The following FBXL17 variants were observed in gnomAD, a reference collection of about 807,000 sequenced individuals.
FBXL17 encodes the protein F-box/LRR-repeat protein 17.
A neutral mutation model predicts 66.2 loss-of-function variants in FBXL17; 22 were observed. The observed-to-expected ratio is 0.33, with a 90% CI of 0.24 to 0.47. FBXL17 has a LOEUF of 0.47. Ranked by LOEUF, FBXL17 falls within the 20% of genes least tolerant of loss-of-function variation. The pLI, the probability that FBXL17 is intolerant of heterozygous loss-of-function variation, is 1.00. For synonymous variants in FBXL17, 474 were observed against 400.5 expected (o/e 1.18, Z -2.19); for missense variants, 878 against 948.2 (o/e 0.93, Z 0.97).
At chr5:108,249,383 A>G (rs1756248146) in intron 4 of FBXL17, among the ~76,000 whole-genome samples, 1 of 152,178 alleles carries the variant, frequency 6.6e-6, no homozygotes, top group African/African-American at 2.4e-5. Flanking sequence ...GAGGAACAAA[A>G]TATTAAAAGT....
At chr5:108,295,640 AAC>A (rs1228699607) in intron 4 of FBXL17, among the ~76,000 whole-genome samples, 4 of 151,976 alleles carry the variant, frequency 2.6e-5, no homozygotes, top group Admixed American at 6.6e-5. Flanking sequence ...CACAACTATC[AAC>A]ACACACACAC....
chr5:108,262,137 C>T (rs1158758620), intron 4 of FBXL17, among the ~76,000 whole-genome samples: 1 of 148,148 alleles, frequency 6.8e-6, no homozygotes, highest in South Asian at 2.1e-4. Flanking sequence ...AGTGCAGTGG[C>T]ACGGTCTTGG....
At chr5:107,981,738 G>A (rs1428556509) in intron 7 of FBXL17, among the ~76,000 whole-genome samples, 1 of 152,154 alleles carries the variant, frequency 6.6e-6, no homozygotes, top group Non-Finnish European at 1.5e-5. Flanking sequence ...CATTCTCCTT[G>A]ATATTCTTGC....
intron 4 of FBXL17, among the ~76,000 whole-genome samples, chr5:108,344,828 TG>T (rs1287584958): frequency 6.6e-6 from 1 of 152,230 alleles, no homozygotes; most frequent in African/African-American, 2.4e-5. Flanking sequence ...CTTTGTGGCA[TG>T]CACTATACAA....
chr5:108,195,725 G>A (rs1233161445), intron 5 of FBXL17, among the ~76,000 whole-genome samples: 2 of 152,146 alleles, frequency 1.3e-5, no homozygotes, highest in African/African-American at 2.4e-5. Flanking sequence ...TCAGTGACTT[G>A]GACCACTGTG....
intron 6 of FBXL17, among the ~76,000 whole-genome samples, chr5:108,068,697 T>G (rs1483982015): frequency 6.6e-6 from 1 of 152,096 alleles, no homozygotes; most frequent in Middle Eastern, 3.2e-3. Context: ...GACCTCGTGA[T>G]CCACCCGCCT....
At chr5:108,005,104 T>G (rs1022354001) in intron 7 of FBXL17, among the ~76,000 whole-genome samples, 1 of 151,860 alleles carries the variant, frequency 6.6e-6, no homozygotes, top group Non-Finnish European at 1.5e-5. Context: ...TTTTTTTTTT[T>G]TTTTCTGTTT....
intron 5 of FBXL17, among the ~76,000 whole-genome samples, chr5:108,192,473 T>G (rs1346766641): frequency 1.3e-5 from 2 of 152,166 alleles, no homozygotes; most frequent in Non-Finnish European, 2.9e-5. Flanking sequence ...AGACTAAAAT[T>G]AGTCAATGAT....
chr5:108,113,311 C>T (rs148122517), intron 6 of FBXL17, among the ~76,000 whole-genome samples: 1 of 152,098 alleles, frequency 6.6e-6, no homozygotes, highest in Admixed American at 6.5e-5. Flanking sequence ...CTTTAAAACA[C>T]ACTTTAACTA....
chr5:108,371,828 G>A (rs971080195), intron 1 of FBXL17, among the ~76,000 whole-genome samples: 2 of 152,226 alleles, frequency 1.3e-5, no homozygotes, highest in African/African-American at 4.8e-5. Flanking sequence ...AAGTGGAAGT[G>A]TTATATAAAT....
intron 6 of FBXL17, among the ~76,000 whole-genome samples, chr5:108,102,630 G>T (rs1369928161): frequency 6.6e-6 from 1 of 152,116 alleles, no homozygotes; most frequent in Non-Finnish European, 1.5e-5. Flanking sequence ...CACAGCAACT[G>T]TGTTACTTTT....
intron 1 of FBXL17, among the ~76,000 whole-genome samples, chr5:108,378,447 G>T (rs796336578): frequency 5.9e-5 from 9 of 152,224 alleles, no homozygotes; most frequent in African/African-American, 2.2e-4. Flanking sequence ...GGAGAACAGG[G>T]CATAATTTCT....
chr5:108,018,910 G>A (rs1018084036), intron 7 of FBXL17, among the ~76,000 whole-genome samples: 2 of 152,146 alleles, frequency 1.3e-5, no homozygotes, highest in East Asian at 1.9e-4. Flanking sequence ...AGGCTTATAC[G>A]TCAATATGTT....
chr5:108,200,175 G>C (rs1471881228), intron 5 of FBXL17, among the ~76,000 whole-genome samples: 6 of 152,138 alleles, frequency 3.9e-5, no homozygotes, highest in Non-Finnish European at 7.3e-5. Flanking sequence ...ACCTGAGTTA[G>C]AGAAGGAGAG....
chr5:108,189,992 C>T (rs1753406124), intron 5 of FBXL17, among the ~76,000 whole-genome samples: 1 of 152,146 alleles, frequency 6.6e-6, no homozygotes, highest in Non-Finnish European at 1.5e-5. Context: ...TTGTGAAACC[C>T]CAGGCAGAGG....
intron 7 of FBXL17, among the ~76,000 whole-genome samples, chr5:107,965,773 T>C (rs565921652): frequency 6.6e-6 from 1 of 152,278 alleles, no homozygotes; most frequent in South Asian, 2.1e-4. Flanking sequence ...AATTTAGTGA[T>C]CTTGAAATAG....
intron 4 of FBXL17, among the ~76,000 whole-genome samples, chr5:108,315,246 A>G (rs1759307371): frequency 1.3e-5 from 2 of 151,116 alleles, no homozygotes; most frequent in African/African-American, 2.4e-5. Flanking sequence ...TATGAAATCC[A>G]GAGAAGAAGA....
intron 4 of FBXL17, among the ~76,000 whole-genome samples, chr5:108,324,186 A>G (rs1482355591): frequency 1.3e-5 from 2 of 152,042 alleles, no homozygotes; most frequent in South Asian, 2.1e-4. Context: ...TCATTATTTG[A>G]TAAGGAGTTA....
chr5:108,287,665 T>C (rs1486219387), intron 4 of FBXL17, among the ~76,000 whole-genome samples: 2 of 152,064 alleles, frequency 1.3e-5, no homozygotes, highest in Non-Finnish European at 2.9e-5. Flanking sequence ...ACACCACTGA[T>C]GGGAATGTAA....
Sources: gnomAD v4.1 joint callset for allele counts (sites outside exome capture counted in the v4.1 genomes callset) on GRCh38, gnomAD v4.1.1 for gene constraint, MANE v1.5 for transcripts, NCBI Gene and HGNC (gene_info 2026-07-23, HGNC 2026-07-21) for gene names.